EHHADH: variants seen among roughly 807,000 people sequenced by gnomAD.
EHHADH encodes peroxisomal bifunctional enzyme.
EHHADH carries 48 observed loss-of-function variants against 64.4 expected under a neutral mutation model. That is an observed-to-expected ratio of 0.75 (90% confidence interval 0.59 to 0.95). The LOEUF (loss-of-function observed/expected upper bound fraction) is 0.95. EHHADH is among the 40% of genes least tolerant of loss of function. The pLI, the probability that EHHADH is intolerant of heterozygous loss-of-function variation, is 0.00. For synonymous variants in EHHADH, 308 were observed against 326.7 expected (o/e 0.94, Z 0.62); for missense variants, 854 against 876.6 (o/e 0.97, Z 0.33).
intron 1 of EHHADH, among the ~76,000 whole-genome samples, chr3:185,251,739 A>C (rs1380621444): frequency 6.6e-6 from 1 of 152,084 alleles, no homozygotes; most frequent in Non-Finnish European, 1.5e-5. Context: ...GAGGAAAGAA[A>C]AAGTGTAAGA....
intron 2 of EHHADH, 68 bp downstream of exon 2, chr3:185,248,346 A>T: frequency 9.2e-7 from 1 of 1,089,108 alleles, no homozygotes; most frequent in Non-Finnish European, 1.4e-6. Flanking sequence ...AAGCACAGCT[A>T]ATGCAGTATT....
intron 1 of EHHADH, among the ~76,000 whole-genome samples, chr3:185,253,424 T>TG (rs1400933896): frequency 1.7e-5 from 1 of 59,156 alleles, no homozygotes; most frequent in Non-Finnish European, 2.9e-5. Flanking sequence ...TGTTGTGGGG[T>TG]GGGGGGAGGG....
intron 6 of EHHADH, among the ~76,000 whole-genome samples, chr3:185,203,864 G>T (rs1380670959): frequency 1.3e-5 from 2 of 152,112 alleles, no homozygotes; most frequent in African/African-American, 4.8e-5. Flanking sequence ...GCTAGGCCAG[G>T]AATGGTGGCT....
chr3:185,229,307 G>A (rs950774213), intron 4 of EHHADH, 125 bp downstream of exon 4: 1 of 448,108 alleles, frequency 2.2e-6, no homozygotes, highest in Non-Finnish European at 3.8e-6. Flanking sequence ...AAAATCGAGA[G>A]GCCAAGAAGT....
At chr3:185,214,528 T>C (rs1718632538) in intron 5 of EHHADH, among the ~76,000 whole-genome samples, 1 of 152,134 alleles carries the variant, frequency 6.6e-6, no homozygotes, top group South Asian at 2.1e-4. Flanking sequence ...GACTTAGATA[T>C]TAGGAAAAGA....
chr3:185,193,003 C>CT lies in EHHADH; in HGVS notation c.1394dup (p.Ile466AspfsTer2). ...CTACAACGACTCCAATCTTTTTAAT[C>CT]TTTTTTGATAAGTTCATAACAGTGG... On this transcript the variant is annotated frameshift_variant, in exon 7 of 7. Transcript: ENST00000231887. LOFTEE classifies it high-confidence loss of function. 2 of 1,614,164 alleles carry CT rather than the reference C, an allele frequency of 1.2e-6. No individual in the cohort carries two copies. The highest frequency in any genetic ancestry group is 1.1e-5 in the South Asian group (1 of 91,080).
intron 1 of EHHADH, among the ~76,000 whole-genome samples, chr3:185,252,910 T>C (rs1719787285): frequency 6.6e-6 from 1 of 152,132 alleles, no homozygotes; most frequent in African/African-American, 2.4e-5. Context: ...TAGGTAATTC[T>C]TTTTCAAGGC....
In EHHADH at chr3:185,250,720, C is replaced by T. The variant is rs933149945; in HGVS notation, c.75-2203G>A. Among the ~76,000 whole-genome samples, 6 of 152,204 alleles carry T rather than the reference C, an allele frequency of 3.9e-5. No individual in the cohort carries two copies. In the South Asian group the frequency reaches 6.2e-4, roughly 16 times the overall value. ...GCCCTTATTTATAATGATTCCCTTA[C>T]ACCTAATTACTTTTCACCTCTTAAC... On this transcript the variant is annotated intron_variant, in intron 1 of 6. Coordinates refer to ENST00000231887, the MANE Select transcript of EHHADH (RefSeq NM_001966.4).
At position 185,192,466 on chromosome 3, in the gene EHHADH, C is replaced by T; in HGVS notation, c.1932G>A (p.Glu644=). The part of the protein sequence containing the change: ...ILGEGIAASP[E]HIDVVYLHGY... Reference sequence around the variant, plus strand: ...CATGTAAATAGACAACATCAATGTGCTCTGGGCTAGCAGCTATCCCTTCTC... The same window carrying T: ...CATGTAAATAGACAACATCAATGTGTTCTGGGCTAGCAGCTATCCCTTCTC... Residue 644 remains glutamate, a synonymous_variant, in exon 7 of 7, where the codon GAG becomes GAA. Coordinates refer to ENST00000231887, the MANE Select transcript of EHHADH (RefSeq NM_001966.4). 3 of 1,614,228 alleles carry T rather than the reference C, an allele frequency of 1.9e-6. No homozygotes were observed. Among genetic ancestry groups the T allele is most frequent in the Non-Finnish European group, 2.5e-6 (3 of 1,180,050 alleles).
In EHHADH at chr3:185,232,457, C is replaced by CT. The variant is rs569927659; in HGVS notation, c.351+2832dup. ...GCCGCCACTTATAATGATTTTTTTT[C>CT]TTTTTTTTGAGACAGAGTTTAGCTC... On this transcript the variant is annotated intron_variant, in intron 3 of 6. Transcript: ENST00000231887. Among the ~76,000 whole-genome samples the CT allele has an allele frequency of 9.2e-5, 14 of 151,686 alleles. No homozygotes were observed. The South Asian group carries it at 2.7e-3, about 29-fold the overall frequency.
At chr3:185,228,614 G>T (rs957643961) in intron 4 of EHHADH, among the ~76,000 whole-genome samples, 3 of 151,324 alleles carry the variant, frequency 2.0e-5, no homozygotes, top group Non-Finnish European at 4.4e-5. Context: ...GGAGGTGGAG[G>T]TTGCCGTGAG....
chr3:185,250,612 AAAC>A (rs1201296375), intron 1 of EHHADH, among the ~76,000 whole-genome samples: 2 of 152,220 alleles, frequency 1.3e-5, no homozygotes, highest in South Asian at 2.1e-4. Flanking sequence ...AAAACAAAAC[AAAC>A]AACAACAAAC....
intron 2 of EHHADH, among the ~76,000 whole-genome samples, chr3:185,239,407 A>G (rs1193152991): frequency 3.3e-5 from 5 of 152,130 alleles, no homozygotes; most frequent in African/African-American, 1.2e-4. Context: ...GATTCTTTCA[A>G]TGCATGAGCA....
Position 185,246,156 on chromosome 3 carries a change from A to G in EHHADH, c.178+2258T>C, listed in dbSNP as rs574709119. ...CACTTTCAATCTTAAGATCCTTTAC[A>G]ACTTCTTCAGCTTCATCAATATCAA... On this transcript the variant is annotated intron_variant, in intron 2 of 6. Transcript: ENST00000231887. 3.6e-6 allele frequency: 4 copies of G among 1,115,468 alleles called. No individual in the cohort carries two copies. The African/African-American group carries it at 6.2e-5, about 17-fold the overall frequency. The allele number at this position is 1,115,468 out of a possible 1,614,324, so 69.1% of individuals were successfully genotyped here. A position where few individuals can be genotyped will look rare whatever the true frequency, so the allele number is the denominator to read the frequency against.
At chr3:185,209,806 AAAG>A (rs1482460672) in intron 5 of EHHADH, among the ~76,000 whole-genome samples, 14 of 152,252 alleles carry the variant, frequency 9.2e-5, no homozygotes, top group African/African-American at 3.1e-4. Flanking sequence ...ATATGATGTT[AAAG>A]AATAGGATTC....
intron 5 of EHHADH, among the ~76,000 whole-genome samples, chr3:185,213,205 C>T (rs1718596735): frequency 7.1e-6 from 1 of 141,120 alleles, no homozygotes; most frequent in African/African-American, 2.6e-5. Flanking sequence ...CAAAAATTAT[C>T]TCCTTTCTTA....
At chr3:185,224,497 T>A (rs1478503580) in intron 4 of EHHADH, among the ~76,000 whole-genome samples, 2 of 98,102 alleles carry the variant, frequency 2.0e-5, no homozygotes, top group African/African-American at 4.5e-5. Context: ...TGAGACCCTG[T>A]CACCAAAAAA....
intron 5 of EHHADH, among the ~76,000 whole-genome samples, chr3:185,217,184 G>C (rs1168062513): frequency 6.6e-6 from 1 of 152,118 alleles, no homozygotes; most frequent in African/African-American, 2.4e-5. Flanking sequence ...GATCCCTCAG[G>C]AACGGTTTAG....
At chr3:185,205,090 T>A (rs1184475660) in intron 5 of EHHADH, among the ~76,000 whole-genome samples, 1 of 151,698 alleles carries the variant, frequency 6.6e-6, no homozygotes, top group East Asian at 1.9e-4. Flanking sequence ...ATATTTAATC[T>A]GTAATTAATA....
Sources: allele counts gnomAD v4.1 joint callset (sites outside exome capture counted in the v4.1 genomes callset), GRCh38; gene constraint gnomAD v4.1.1; transcripts MANE v1.5; gene names NCBI Gene and HGNC (gene_info 2026-07-23, HGNC 2026-07-21).